The following FOXP1 variants were observed in gnomAD, a reference collection of about 807,000 sequenced individuals.
The protein encoded by FOXP1 is forkhead box protein P1.
Under a neutral mutation model 98.2 loss-of-function variants are expected in FOXP1, and 15 were observed. The observed-to-expected ratio is 0.15, with a 90% CI of 0.10 to 0.24. The LOEUF (loss-of-function observed/expected upper bound fraction) is 0.24, where lower values mean the gene tolerates loss of function less well. FOXP1 is among the 10% of genes least tolerant of loss of function. FOXP1 has a pLI of 1.00. For synonymous variants in FOXP1, 371 were observed against 314.5 expected, an observed-to-expected ratio of 1.18 and a Z score of -1.90; for missense variants, 633 against 848.5, an observed-to-expected ratio of 0.75 and a Z score of 3.15.
chr3:71,469,970 A>G (rs899581312), intron 3 of FOXP1, among the ~76,000 whole-genome samples: 1 of 152,162 alleles, frequency 6.6e-6, no homozygotes, highest in African/African-American at 2.4e-5. Context: ...TATGAACTCT[A>G]AAAACTCACA....
At chr3:71,164,925 T>C (rs1229188640) in intron 6 of FOXP1, among the ~76,000 whole-genome samples, 3 of 151,994 alleles carry the variant, frequency 2.0e-5, no homozygotes, top group Non-Finnish European at 4.4e-5. Context: ...AAAAAGAGAG[T>C]AGTTAAGATG....
At chr3:71,564,899 G>C (rs879435664) in intron 2 of FOXP1, among the ~76,000 whole-genome samples, 1 of 152,142 alleles carries the variant, frequency 6.6e-6, no homozygotes, top group Admixed American at 6.6e-5. Context: ...TGGATCACCT[G>C]AGGTCAGGAG....
chr3:71,082,046 A>C (rs2054481121), intron 7 of FOXP1, among the ~76,000 whole-genome samples: 1 of 152,220 alleles, frequency 6.6e-6, no homozygotes, highest in Non-Finnish European at 1.5e-5. Flanking sequence ...TGAGAAGCTG[A>C]GGTGGGCAGA....
At chr3:70,975,649 T>TA (rs1189250464) in intron 17 of FOXP1, among the ~76,000 whole-genome samples, 1 of 152,212 alleles carries the variant, frequency 6.6e-6, no homozygotes, top group Non-Finnish European at 1.5e-5. Flanking sequence ...TAATGGCATG[T>TA]AAAAATAGCC....
chr3:71,279,192 A>AAAAAAAAC (rs368277709), intron 5 of FOXP1, among the ~76,000 whole-genome samples: 9,246 of 138,196 alleles, frequency 0.067, 500 homozygotes, highest in East Asian at 0.14. Context: ...AAAAAAAAAA[A>AAAAAAAAC]AGAAAGAAAT....
At chr3:71,023,411 G>A (rs1483320426) in intron 11 of FOXP1, among the ~76,000 whole-genome samples, 1 of 152,120 alleles carries the variant, frequency 6.6e-6, no homozygotes, top group Non-Finnish European at 1.5e-5. Flanking sequence ...GACACCTTGG[G>A]TTTCTAGAAA....
At chr3:70,970,888 G>A (rs929336238) in intron 18 of FOXP1, 83 bp from the exon 19 acceptor site, 32 of 1,079,698 alleles carry the variant, frequency 3.0e-5, no homozygotes, top group Non-Finnish European at 4.4e-5. Context: ...AAGCTTGCTG[G>A]TGCCCTTCCA....
At chr3:71,234,704 C>T (rs2066627176) in intron 5 of FOXP1, among the ~76,000 whole-genome samples, 1 of 152,138 alleles carries the variant, frequency 6.6e-6, no homozygotes, top group Non-Finnish European at 1.5e-5. Flanking sequence ...TTACATTATT[C>T]CTCTGTGAAT....
intron 5 of FOXP1, among the ~76,000 whole-genome samples, chr3:71,243,177 T>C (rs1239654365): frequency 6.6e-6 from 1 of 152,222 alleles, no homozygotes; most frequent in East Asian, 1.9e-4. Context: ...TCTAAAGCAG[T>C]ACTCGATCCT....
At chr3:71,025,011 C>T (rs895405384) in intron 11 of FOXP1, among the ~76,000 whole-genome samples, 11 of 152,144 alleles carry the variant, frequency 7.2e-5, no homozygotes, top group African/African-American at 2.2e-4. Context: ...TAGTTCTGGA[C>T]TTATATTCAT....
intron 2 of FOXP1, among the ~76,000 whole-genome samples, chr3:71,512,976 C>T (rs17008701): frequency 2.0e-5 from 3 of 152,162 alleles, no homozygotes; most frequent in Non-Finnish European, 4.4e-5. Context: ...GGCAAACACA[C>T]AGAAGGATCC....
In FOXP1 at chr3:71,202,622, G is replaced by A. The variant is rs895497915; in HGVS notation, c.-11-4230C>T. ...AAGCTCAATCGGTTAAGGGATAGAT[G>A]TAGCCATAACTATTCTGTTTCAGAC... On this transcript the variant is annotated intron_variant, in intron 5 of 20. Coordinates refer to ENST00000649528, the MANE Select transcript of FOXP1 (RefSeq NM_001349338.3). Among the ~76,000 whole-genome samples the A allele has an allele frequency of 1.1e-4, 16 of 152,196 alleles. No homozygotes were observed. The South Asian group carries it at 1.2e-3, about 12-fold the overall frequency.
At chr3:71,317,399 GCA>G (rs1334602080) in intron 4 of FOXP1, among the ~76,000 whole-genome samples, 3 of 152,058 alleles carry the variant, frequency 2.0e-5, no homozygotes, top group Non-Finnish European at 4.4e-5. Flanking sequence ...ATGGGAATTC[GCA>G]CAGGCGGGCT....
intron 3 of FOXP1, among the ~76,000 whole-genome samples, chr3:71,385,469 C>A (rs915783064): frequency 1.3e-5 from 2 of 152,164 alleles, no homozygotes; most frequent in African/African-American, 4.8e-5. Flanking sequence ...GGAGCAGAAC[C>A]TGCCCCAATC....
intron 2 of FOXP1, among the ~76,000 whole-genome samples, chr3:71,536,486 G>A (rs757444454): frequency 6.6e-6 from 1 of 151,498 alleles, no homozygotes; most frequent in African/African-American, 2.4e-5. Context: ...AATGGAGACT[G>A]TACTAAAGTC....
intron 3 of FOXP1, among the ~76,000 whole-genome samples, chr3:71,476,978 C>T (rs1185810893): frequency 6.6e-6 from 1 of 152,162 alleles, no homozygotes; most frequent in Non-Finnish European, 1.5e-5. Flanking sequence ...TGACATTTAT[C>T]TCATTCTCCC....
chr3:71,184,740 C>T (rs2062540431), intron 6 of FOXP1, among the ~76,000 whole-genome samples: 3 of 149,930 alleles, frequency 2.0e-5, no homozygotes, highest in African/African-American at 4.9e-5. Flanking sequence ...AATTAACATA[C>T]AGAATAGCTG....
At chr3:71,348,581 A>G (rs1051017413) in intron 4 of FOXP1, among the ~76,000 whole-genome samples, 4 of 149,356 alleles carry the variant, frequency 2.7e-5, no homozygotes, top group African/African-American at 4.9e-5. Context: ...GCATGTGTGT[A>G]TAAGTCACAC....
intron 6 of FOXP1, among the ~76,000 whole-genome samples, chr3:71,167,869 ATTAC>A (rs1167199565): frequency 6.6e-6 from 1 of 152,160 alleles, no homozygotes; most frequent in African/African-American, 2.4e-5. Context: ...TACACTAAAA[ATTAC>A]TTACTTGTAG....
Sources: allele counts gnomAD v4.1 joint callset (sites outside exome capture counted in the v4.1 genomes callset), GRCh38; gene constraint gnomAD v4.1.1; transcripts MANE v1.5; gene names NCBI Gene and HGNC (gene_info 2026-07-23, HGNC 2026-07-21).